EFR3A: variants seen among roughly 807,000 people sequenced by gnomAD.
EFR3A encodes protein EFR3 homolog A.
In EFR3A, 76 loss-of-function variants were observed where a neutral mutation model predicts 104.4. That is an observed-to-expected ratio of 0.73 (90% CI 0.60 to 0.88). The LOEUF is 0.88. Ranked by LOEUF, EFR3A falls within the 40% of genes least tolerant of loss-of-function variation. The pLI, the probability that EFR3A is intolerant of heterozygous loss-of-function variation, is 0.00. For synonymous variants in EFR3A, 330 were observed against 330.0 expected (o/e 1.00, Z 0.00); for missense variants, 985 against 1,012.5 (o/e 0.97, Z 0.37).
At chr8:131,922,245 T>G (rs548699300) in intron 1 of EFR3A, among the ~76,000 whole-genome samples, 9 of 152,162 alleles carry the variant, frequency 5.9e-5, no homozygotes, top group Non-Finnish European at 1.2e-4. Flanking sequence ...CAGTATGACC[T>G]CATCTTGATT....
chr8:131,940,469 T>A, intron 1 of EFR3A, 30 bp from the exon 2 acceptor site: 1 of 1,537,054 alleles, frequency 6.5e-7, no homozygotes, highest in East Asian at 2.4e-5. Flanking sequence ...TAATAATATC[T>A]GTATTTCTTG....
chr8:131,921,845 G>A (rs1475476267), intron 1 of EFR3A, among the ~76,000 whole-genome samples: 3 of 152,148 alleles, frequency 2.0e-5, no homozygotes, highest in Non-Finnish European at 4.4e-5. Flanking sequence ...ATTTAAACTG[G>A]TTTCAGAATG....
chr8:131,953,983 T>C lies in EFR3A; in HGVS notation c.638+16T>C. The stretch of plus-strand genomic sequence containing the variant: ...AAGTTGACAGGTATTTAAAAAAATA[T>C]TAGTGTTGAGACAGTGTTACTTTTA... On this transcript the variant is annotated intron_variant, in intron 6 of 22. Transcript: ENST00000254624. 6.6e-7 allele frequency: 1 copy of C among 1,521,440 alleles called. No homozygotes were observed. The highest frequency in any genetic ancestry group is 8.8e-7 in the Non-Finnish European group (1 of 1,130,716). 94.2% of individuals were successfully genotyped at this position (1,521,440 alleles called of 1,614,324 possible). A position where few individuals can be genotyped will look rare whatever the true frequency, so the allele number is the denominator to read the frequency against.
At chr8:131,961,363 T>TA (rs1819317374) in intron 8 of EFR3A, among the ~76,000 whole-genome samples, 1 of 152,108 alleles carries the variant, frequency 6.6e-6, no homozygotes, top group Non-Finnish European at 1.5e-5. Context: ...GAGAAGTCCT[T>TA]AAAGGACCTG....
intron 17 of EFR3A, among the ~76,000 whole-genome samples, chr8:131,986,963 G>A (rs1053546882): frequency 1.3e-5 from 2 of 151,996 alleles, no homozygotes; most frequent in African/African-American, 4.8e-5. Flanking sequence ...TCAAAATATT[G>A]TGGAAGAAAG....
chr8:131,921,007 T>C (rs1416681178), intron 1 of EFR3A, among the ~76,000 whole-genome samples: 1 of 152,194 alleles, frequency 6.6e-6, no homozygotes, highest in Non-Finnish European at 1.5e-5. Flanking sequence ...TTGGATCTTG[T>C]TGCCATTTGG....
intron 6 of EFR3A, 46 bp from the exon 7 acceptor site, chr8:131,955,722 G>T: frequency 1.3e-6 from 2 of 1,578,124 alleles, no homozygotes; most frequent in Non-Finnish European, 1.7e-6. Flanking sequence ...TATTAGAACT[G>T]ATATTAAAAT....
At chr8:131,948,091 A>G (rs979144789) in intron 4 of EFR3A, among the ~76,000 whole-genome samples, 16 of 152,068 alleles carry the variant, frequency 1.1e-4, no homozygotes, top group Admixed American at 9.8e-4. Flanking sequence ...TTCAACCTAC[A>G]TGAATACTGT....
intron 8 of EFR3A, among the ~76,000 whole-genome samples, chr8:131,963,208 A>C (rs1317697062): frequency 6.6e-6 from 1 of 152,234 alleles, no homozygotes; most frequent in African/African-American, 2.4e-5. Context: ...GAAGGCAAGA[A>C]ATAACTAAGA....
Position 131,950,003 on chromosome 8 carries a change from C to T in EFR3A, c.401C>T (p.Pro134Leu). 1 of 1,599,000 alleles carries T rather than the reference C, an allele frequency of 6.3e-7. No homozygotes were observed. ...TTTGCAAATATTGAAGAAGACACAC[C>T]ATCCTATCACAGACGTTATGACTTT... The part of the protein sequence containing the change: ...VKFANIEEDT[P>L]SYHRRYDFFV... The change falls in exon 5 of 23, where the codon CCA becomes CTA. Residue 134 changes from proline (P) to leucine (L), a missense_variant. Physicochemically the swap from Pro to Leu is moderately conservative, Grantham distance 98. Coordinates refer to ENST00000254624, the MANE Select transcript of EFR3A (RefSeq NM_015137.6).
chr8:131,967,384 C>T (rs1819795078), intron 8 of EFR3A, among the ~76,000 whole-genome samples: 1 of 151,950 alleles, frequency 6.6e-6, no homozygotes, highest in Non-Finnish European at 1.5e-5. Flanking sequence ...CTTATCAAAC[C>T]ACACATTCCA....
chr8:131,951,532 A>T (rs1818703398), intron 5 of EFR3A, among the ~76,000 whole-genome samples: 1 of 152,088 alleles, frequency 6.6e-6, no homozygotes, highest in Non-Finnish European at 1.5e-5. Flanking sequence ...GAAAATGGCA[A>T]TTTTTTCAAG....
At chr8:131,916,028 C>T (rs1816730705) in intron 1 of EFR3A, among the ~76,000 whole-genome samples, 1 of 152,148 alleles carries the variant, frequency 6.6e-6, no homozygotes, top group Non-Finnish European at 1.5e-5. Flanking sequence ...CGTAGTTAAA[C>T]TGATGAGACA....
intron 7 of EFR3A, among the ~76,000 whole-genome samples, chr8:131,958,499 ATTC>A (rs958177887): frequency 6.6e-6 from 1 of 152,118 alleles, no homozygotes; most frequent in Non-Finnish European, 1.5e-5. Flanking sequence ...CCATGTTCAA[ATTC>A]TTCTTCGAAT....
rs201078984 is a variant in EFR3A, at chr8:131,987,641, G to T, written c.2004G>T (p.Ser668=). ...TTCTGACCAACAAGATTGCAGAGTC[G>T]CTAGGTGGAAGTGGATATAGTGTTG... ...LYFLTNKIAE[S]LGGSGYSVER... is the part of the protein sequence containing the mutation. Residue 668 remains serine, a synonymous_variant, in exon 18 of 23, where the codon TCG becomes TCT. Transcript: ENST00000254624. The T allele has an allele frequency of 6.3e-6, 10 of 1,597,408 alleles. No individual in the cohort carries two copies. In the East Asian group the frequency reaches 1.8e-4, roughly 29 times the overall value.
chr8:131,945,571 A>G (rs1020020965), intron 3 of EFR3A, among the ~76,000 whole-genome samples: 2 of 152,086 alleles, frequency 1.3e-5, no homozygotes, highest in African/African-American at 4.8e-5. Flanking sequence ...GTGATGGCAC[A>G]CATAGCTTTA....
intron 1 of EFR3A, among the ~76,000 whole-genome samples, chr8:131,926,420 G>A (rs1817301120): frequency 6.6e-6 from 1 of 151,910 alleles, no homozygotes; most frequent in Non-Finnish European, 1.5e-5. Context: ...TGAAATTGAA[G>A]AAATAAAAAA....
chr8:131,959,388 T>C (rs1294717946), intron 7 of EFR3A, among the ~76,000 whole-genome samples, 197 bp from the exon 8 acceptor site: 2 of 152,336 alleles, frequency 1.3e-5, no homozygotes, highest in Middle Eastern at 3.4e-3. Flanking sequence ...AAACTACTTC[T>C]GGTCCACAGC....
At chr8:131,908,787 G>C (rs937925710) in intron 1 of EFR3A, among the ~76,000 whole-genome samples, 32 of 152,144 alleles carry the variant, frequency 2.1e-4, no homozygotes, top group Admixed American at 1.7e-3. Flanking sequence ...CACTGTGCCT[G>C]GTTATATAAT....
Sources: gnomAD v4.1 joint callset for allele counts (sites outside exome capture counted in the v4.1 genomes callset) on GRCh38, gnomAD v4.1.1 for gene constraint, MANE v1.5 for transcripts, NCBI Gene and HGNC (gene_info 2026-07-23, HGNC 2026-07-21) for gene names.